Variants in TEX51 observed in about 807,000 individuals in gnomAD.
TEX51 encodes testis expressed 51.
A neutral mutation model predicts 8.0 loss-of-function variants in TEX51; 14 were observed. That is an observed-to-expected ratio of 1.76 (90% CI 1.16 to 2.75). The LOEUF is 2.75. Ranked by LOEUF, TEX51 falls within the 30% of genes most tolerant of loss-of-function variation. The pLI, the probability that TEX51 is intolerant of heterozygous loss-of-function variation, is 0.00. For missense variants in TEX51, 142 were observed against 77.4 expected (o/e 1.83, Z -3.13); for synonymous variants, 58 against 28.6 (o/e 2.03, Z -3.29).
Position 126,901,278 on chromosome 2 carries a change from G to A in TEX51, c.463G>A (p.Asp155Asn), listed in dbSNP as rs1005695131. The A allele has an allele frequency of 1.0e-5, 7 of 699,600 alleles. No individual in the cohort carries two copies. The highest frequency in any genetic ancestry group is 1.6e-5 in the Non-Finnish European group (6 of 383,198). The allele number at this position is 699,600 out of a possible 1,614,324, so 43.3% of individuals were successfully genotyped here. ...SSALLLAIAG[D>N]VSFTGKGRRR... is the part of the protein sequence containing the mutation. The stretch of plus-strand genomic sequence containing the variant: ...TGCTCTACTCCTGGCCATAGCTGGA[G>A]GTGGGTGAGTGACCTCTCCAAGCCC... The change falls in exon 5 of 7, where the codon GAT becomes AAT. Residue 155 changes from aspartate to asparagine, a missense_variant and splice_region_variant. By Grantham distance (23) the Asp-to-Asn change is conservative (BLOSUM62 1). Coordinates refer to ENST00000568484, the MANE Select transcript of TEX51 (RefSeq NM_001322244.2).
chr2:126,899,384 G>A (rs1680196486), intron 2 of TEX51, 93 bp downstream of exon 2: 1 of 692,728 alleles, frequency 1.4e-6, no homozygotes, highest in African/African-American at 1.8e-5. Context: ...GCCATGGGTG[G>A]GAGGTCTTGT....
At chr2:126,901,085 CAGTA>C (rs1292144878) in intron 4 of TEX51, 121 bp from the exon 5 acceptor site, 22 of 579,332 alleles carry the variant, frequency 3.8e-5, no homozygotes, top group African/African-American at 5.6e-5. Context: ...ACAGCGTGCT[CAGTA>C]AGTGTTTGCA....
chr2:126,901,065 T>A (rs10928994), intron 4 of TEX51, 145 bp from the exon 5 acceptor site: 441,389 of 542,592 alleles, frequency 0.81, 184,538 homozygotes, highest in Non-Finnish European at 0.87. Flanking sequence ...TCTAGATATG[T>A]GCTGGGCGCA....
At chr2:126,899,162 C>T (rs1185350149) in intron 1 of TEX51, 55 bp from the exon 2 acceptor site, 1 of 702,132 alleles carries the variant, frequency 1.4e-6, no homozygotes, top group Admixed American at 2.0e-5. Context: ...GGCCTCTTTA[C>T]CTGACCTGGG....
rs773421893 is a variant in TEX51 at position 126,899,054 on chromosome 2, C to T, written c.136C>T (p.Leu46Phe). The change falls in exon 1 of 7, where the codon CTT becomes TTT. Residue 46 changes from leucine to phenylalanine, a missense_variant. Coordinates refer to ENST00000568484, the MANE Select transcript of TEX51 (RefSeq NM_001322244.2). ...GGTGACCCCAGGGCCACCCACAGAA[C>T]TTTCTCAAAGTATTCACTCCTTGTT... ...LWVTPGPPTE[L>F]SQNRDHLEEE... 11 of 702,176 alleles carry T rather than the reference C, an allele frequency of 1.6e-5. No individual in the cohort carries two copies. The highest frequency in any genetic ancestry group is 2.6e-5 in the Non-Finnish European group (10 of 384,806). 43.5% of individuals were successfully genotyped at this position (702,176 alleles called of 1,614,324 possible). A position where few individuals can be genotyped will look rare whatever the true frequency, so the allele number is the denominator to read the frequency against.
At chr2:126,900,183 C>T (rs1680251098) in intron 4 of TEX51, 164 bp downstream of exon 4, 1 of 634,994 alleles carries the variant, frequency 1.6e-6, no homozygotes, top group African/African-American at 1.8e-5. Context: ...GTCCTCATGT[C>T]AAGCTCCAGA....
Position 126,899,543 on chromosome 2 carries a change from G to T in TEX51, c.241G>T (p.Glu81Ter). The T allele has an allele frequency of 1.4e-6, 1 of 696,592 alleles. No individual in the cohort carries two copies. The highest frequency in any genetic ancestry group is 1.5e-5 in the South Asian group (1 of 67,340). The allele number at this position is 696,592 out of a possible 1,614,324, so 43.2% of individuals were successfully genotyped here. Residue 81 changes from glutamate (E) to a stop codon, truncating the protein, a stop_gained, in exon 3 of 7, where the codon GAG becomes TAG. Coordinates refer to ENST00000568484, the MANE Select transcript of TEX51 (RefSeq NM_001322244.2). LOFTEE classifies it high-confidence loss of function. Reference sequence around the variant, plus strand: ...CCCAGATAAAACAGTACTTCTGGAAGAGATCTACACGCACAAGAATCTCTT... The same window carrying T: ...CCCAGATAAAACAGTACTTCTGGAATAGATCTACACGCACAAGAATCTCTT... ...LRDDKTVLLE[E>*]IYTHKNLFTE...
Position 126,900,029 on chromosome 2 carries a change from C to T in TEX51, c.394+10C>T, listed in dbSNP as rs1431978942. The T allele has an allele frequency of 2.9e-6, 2 of 700,600 alleles. No homozygotes were observed. Among genetic ancestry groups the T allele is most frequent in the Admixed American group, 2.0e-5 (1 of 50,000 alleles). The allele number at this position is 700,600 out of a possible 1,614,324, so 43.4% of individuals were successfully genotyped here. A position where few individuals can be genotyped will look rare whatever the true frequency, so the allele number is the denominator to read the frequency against. Reference sequence around the variant, plus strand: ...CCCACTTTCTGCCCAGGTCAGTGGCCACCACCCTGTCCAGCCTCTCCCCTC... The same window carrying T: ...CCCACTTTCTGCCCAGGTCAGTGGCTACCACCCTGTCCAGCCTCTCCCCTC... On this transcript the variant is annotated intron_variant, in intron 4 of 6. Coordinates refer to ENST00000568484, the MANE Select transcript of TEX51 (RefSeq NM_001322244.2).
At chr2:126,900,118 T>C in intron 4 of TEX51, 99 bp downstream of exon 4, 2 of 683,968 alleles carry the variant, frequency 2.9e-6, no homozygotes, top group South Asian at 3.1e-5. Flanking sequence ...CTCAAGCTTT[T>C]CTTGTTCTTT....
intron 4 of TEX51, among the ~76,000 whole-genome samples, chr2:126,900,932 T>A (rs1436537482): frequency 6.6e-6 from 1 of 152,172 alleles, no homozygotes; most frequent in Non-Finnish European, 1.5e-5. Flanking sequence ...CAGACTCCTG[T>A]TTTCTAAGAA....
At position 126,901,424 on chromosome 2, in the gene TEX51, C is replaced by T. The variant is rs1252856640; in HGVS notation, c.*2+20C>T. ...GTAAAGGTACTGGGAAAGGAGACCC[C>T]GACCCAATTCTAGGGCTCCCAGAGG... On this transcript the variant is annotated intron_variant, in intron 6 of 6. Transcript: ENST00000568484. 5 of 702,110 alleles carry T rather than the reference C, an allele frequency of 7.1e-6. No individual in the cohort carries two copies. The highest frequency in any genetic ancestry group is 1.3e-5 in the Non-Finnish European group (5 of 384,752). 43.5% of individuals were successfully genotyped at this position (702,110 alleles called of 1,614,324 possible). A position where few individuals can be genotyped will look rare whatever the true frequency, so the allele number is the denominator to read the frequency against.
chr2:126,902,033 C>T lies in TEX51; in HGVS notation c.*164C>T, dbSNP rs994895704. 2.1e-5 allele frequency: 11 copies of T among 513,352 alleles called. No homozygotes were observed. Among genetic ancestry groups the T allele is most frequent in the African/African-American group, 1.2e-4 (6 of 49,826 alleles). The allele number at this position is 513,352 out of a possible 1,614,324, so 31.8% of individuals were successfully genotyped here. On this transcript the variant is annotated 3_prime_UTR_variant, in exon 7 of 7. Transcript: ENST00000568484. ...TGAGGCCTAGGAGACTGCGCTGTCT[C>T]GTGGTTTGCCTACTCCTACACCTTT...
At position 126,899,309 on chromosome 2, in the gene TEX51, C is replaced by T. The variant is rs1680192269; in HGVS notation, c.220+18C>T. On this transcript the variant is annotated intron_variant, in intron 2 of 6. Coordinates refer to ENST00000568484, the MANE Select transcript of TEX51 (RefSeq NM_001322244.2). Reference sequence around the variant, plus strand: ...ACGAGATGGTGAGGAAGCCAAGAGCCCCAGGGCCTTGGGGCTTGGGTTGAC... The same window carrying T: ...ACGAGATGGTGAGGAAGCCAAGAGCTCCAGGGCCTTGGGGCTTGGGTTGAC... 5.7e-6 allele frequency: 4 copies of T among 702,198 alleles called. 1 individual carries two copies. The East Asian group carries it at 1.1e-4, about 19-fold the overall frequency. The allele number at this position is 702,198 out of a possible 1,614,324, so 43.5% of individuals were successfully genotyped here.
At chr2:126,901,473 G>A (rs551590456) in intron 6 of TEX51, 69 bp downstream of exon 6, 6 of 698,140 alleles carry the variant, frequency 8.6e-6, no homozygotes, top group Non-Finnish European at 1.6e-5. Context: ...TGCCCTGGGA[G>A]TCTCAGGGCC....
intron 4 of TEX51, among the ~76,000 whole-genome samples, chr2:126,900,670 T>C (rs1383317029): frequency 6.6e-6 from 1 of 152,178 alleles, no homozygotes; most frequent in East Asian, 1.9e-4. Context: ...TTAGCCTCCC[T>C]GTCCCTCCAG....
chr2:126,899,170 G>A (rs895346893), intron 1 of TEX51, 47 bp from the exon 2 acceptor site: 1 of 702,258 alleles, frequency 1.4e-6, no homozygotes, highest in Non-Finnish European at 2.6e-6. Flanking sequence ...TACCTGACCT[G>A]GGATCTTACT....
chr2:126,901,809 A>T, intron 6 of TEX51, 63 bp from the exon 7 acceptor site: 1 of 569,016 alleles, frequency 1.8e-6, no homozygotes, highest in African/African-American at 1.9e-5. Flanking sequence ...TTAGAGAGAC[A>T]GGGAGGAGGC....
chr2:126,901,718 T>C (rs536099357), intron 6 of TEX51, among the ~76,000 whole-genome samples, 154 bp from the exon 7 acceptor site: 1 of 152,316 alleles, frequency 6.6e-6, no homozygotes, highest in African/African-American at 2.4e-5. Flanking sequence ...TGCCCTGCCC[T>C]GACCCACAGG....
chr2:126,900,036 C>T lies in TEX51; in HGVS notation c.394+17C>T. On this transcript the variant is annotated intron_variant, in intron 4 of 6. Transcript: ENST00000568484. Reference sequence around the variant, plus strand: ...TCTGCCCAGGTCAGTGGCCACCACCCTGTCCAGCCTCTCCCCTCCCTGCCC... The same window carrying T: ...TCTGCCCAGGTCAGTGGCCACCACCTTGTCCAGCCTCTCCCCTCCCTGCCC... 1.4e-6 allele frequency: 1 copy of T among 700,548 alleles called. No homozygotes were observed. Among genetic ancestry groups the T allele is most frequent in the Non-Finnish European group, 2.6e-6 (1 of 384,802 alleles). 43.4% of individuals were successfully genotyped at this position (700,548 alleles called of 1,614,324 possible). A position where few individuals can be genotyped will look rare whatever the true frequency, so the allele number is the denominator to read the frequency against.
Sources: allele counts gnomAD v4.1 joint callset (sites outside exome capture counted in the v4.1 genomes callset), GRCh38; gene constraint gnomAD v4.1.1; transcripts MANE v1.5; gene names NCBI Gene and HGNC (gene_info 2026-07-23, HGNC 2026-07-21).